Variants in TUSC3 observed in about 807,000 individuals in gnomAD.
TUSC3 encodes the protein tumor suppressor candidate 3.
TUSC3 carries 45 observed loss-of-function variants against 44.8 expected under a neutral mutation model. The observed-to-expected ratio is 1.00, with a 90% confidence interval of 0.79 to 1.29. The LOEUF is 1.29. Ranked by LOEUF, TUSC3 falls within the 50% of genes most tolerant of loss-of-function variation. The pLI is 0.00. For missense variants in TUSC3, 519 were observed against 437.9 expected (o/e 1.19, Z -1.65); for synonymous variants, 212 against 152.9 (o/e 1.39, Z -2.85).
At chr8:15,815,235 G>A in the TUSC3 span, among the ~76,000 whole-genome samples, 1 of 152,074 alleles carries the variant, frequency 6.6e-6, no homozygotes, top group Non-Finnish European at 1.5e-5. Flanking sequence ...AAGATAGATA[G>A]ACTATTAATA....
intron 6 of TUSC3, among the ~76,000 whole-genome samples, chr8:15,704,799 G>T (rs998614790): frequency 3.3e-5 from 5 of 151,890 alleles, no homozygotes; most frequent in African/African-American, 1.2e-4. Flanking sequence ...ACGAGTTTTG[G>T]AATAGGAAGG....
At chr8:15,555,706 T>A (rs947892538) in intron 1 of TUSC3, among the ~76,000 whole-genome samples, 1 of 151,712 alleles carries the variant, frequency 6.6e-6, no homozygotes, top group Non-Finnish European at 1.5e-5. Flanking sequence ...CCCTTTCATG[T>A]TTGTAATATT....
At chr8:15,467,226 G>T (rs1015739253) in intron 1 of TUSC3, among the ~76,000 whole-genome samples, 1 of 150,734 alleles carries the variant, frequency 6.6e-6, no homozygotes, top group Non-Finnish European at 1.5e-5. Context: ...TTCTACTTGG[G>T]GTTCATTATC....
chr8:15,684,942 G>A (rs895733330), intron 6 of TUSC3, among the ~76,000 whole-genome samples: 2 of 152,188 alleles, frequency 1.3e-5, no homozygotes, highest in Admixed American at 1.3e-4. Flanking sequence ...GCAGGCTTAG[G>A]AGGGGCCACG....
At chr8:15,547,513 C>T (rs534137232) in intron 1 of TUSC3, among the ~76,000 whole-genome samples, 2 of 151,456 alleles carry the variant, frequency 1.3e-5, no homozygotes, top group Admixed American at 6.6e-5. Context: ...GATAATAAGG[C>T]TTAAATTATA....
rs1807454319 is a variant in TUSC3 at position 15,662,228 on chromosome 8, T to C, written c.640T>C (p.Leu214=). Residue 214 remains leucine, a synonymous_variant, in exon 5 of 11, where the codon TTG becomes CTG. Coordinates refer to ENST00000503731, the MANE Select transcript of TUSC3 (RefSeq NM_006765.4). The part of the protein sequence containing the change: ...LALLVSLVGG[L]LYLRRNNLEF... Reference sequence around the variant, plus strand: ...CCTGTTAGTGTCGCTTGTTGGAGGTTTGCTTTATTTGAGAAGGAACAACTT... The same window carrying C: ...CCTGTTAGTGTCGCTTGTTGGAGGTCTGCTTTATTTGAGAAGGAACAACTT... The C allele has an allele frequency of 1.9e-6, 3 of 1,613,246 alleles. No individual in the cohort carries two copies. The highest frequency in any genetic ancestry group is 2.5e-6 in the Non-Finnish European group (3 of 1,179,380).
intron 1 of TUSC3, among the ~76,000 whole-genome samples, chr8:15,616,702 T>C (rs1804999661): frequency 6.6e-6 from 1 of 152,234 alleles, no homozygotes; most frequent in Non-Finnish European, 1.5e-5. Context: ...GAGAGAGCGC[T>C]ACAACAGTCC....
At chr8:15,691,132 A>G (rs1213232592) in intron 6 of TUSC3, among the ~76,000 whole-genome samples, 1 of 152,006 alleles carries the variant, frequency 6.6e-6, no homozygotes, top group Admixed American at 6.6e-5. Flanking sequence ...CTTCCTAATC[A>G]TGAACATGAA....
At chr8:15,601,881 A>G (rs1007915106) in intron 1 of TUSC3, among the ~76,000 whole-genome samples, 5 of 149,974 alleles carry the variant, frequency 3.3e-5, no homozygotes, top group Admixed American at 1.3e-4. Flanking sequence ...CATATTATAT[A>G]AGAATATATT....
At chr8:15,614,416 C>G (rs954259757) in intron 1 of TUSC3, among the ~76,000 whole-genome samples, 8 of 152,118 alleles carry the variant, frequency 5.3e-5, no homozygotes, top group African/African-American at 1.9e-4. Context: ...TTTATCTCTT[C>G]AGTAAGATAT....
intron 1 of TUSC3, among the ~76,000 whole-genome samples, chr8:15,558,939 C>T (rs1802362171): frequency 6.6e-6 from 1 of 150,838 alleles, no homozygotes; most frequent in Non-Finnish European, 1.5e-5. Flanking sequence ...CTTGTTGGTC[C>T]TTTCAAAAAA....
chr8:15,675,538 G>T (rs890185202), intron 6 of TUSC3, among the ~76,000 whole-genome samples: 1 of 151,858 alleles, frequency 6.6e-6, no homozygotes, highest in Non-Finnish European at 1.5e-5. Flanking sequence ...ATTGGGGTAT[G>T]AATGATCTTG....
At chr8:15,755,761 T>C (rs352796) in intron 9 of TUSC3, among the ~76,000 whole-genome samples, 16,610 of 152,112 alleles carry the variant, frequency 0.11, 1,960 homozygotes, top group African/African-American at 0.29. Flanking sequence ...GAAGGTGTTA[T>C]GTTCAGAAAG....
At chr8:15,684,606 C>T (rs932723387) in intron 6 of TUSC3, among the ~76,000 whole-genome samples, 1 of 152,134 alleles carries the variant, frequency 6.6e-6, no homozygotes, top group East Asian at 1.9e-4. Flanking sequence ...AGGCTGCGTT[C>T]CTCCCGGACT....
Position 15,623,097 on chromosome 8 carries a change from A to C in TUSC3, c.156A>C (p.Lys52Asn). The C allele has an allele frequency of 1.2e-6, 2 of 1,613,878 alleles. No homozygotes were observed. Among genetic ancestry groups the C allele is most frequent in the Non-Finnish European group, 1.7e-6 (2 of 1,179,876 alleles). ...QKKKENLLAE[K>N]VEQLMEWSSR... Reference sequence around the variant, plus strand: ...AATTGCAGAATCTTTTAGCTGAAAAAGTAGAGCAGCTGATGGAATGGAGTT... The same window carrying C: ...AATTGCAGAATCTTTTAGCTGAAAACGTAGAGCAGCTGATGGAATGGAGTT... Residue 52 changes from lysine (K) to asparagine (N), a missense_variant, in exon 2 of 11, where the codon AAA becomes AAC. Coordinates refer to ENST00000503731, the MANE Select transcript of TUSC3 (RefSeq NM_006765.4).
At chr8:15,607,011 G>A (rs1013960447) in intron 1 of TUSC3, among the ~76,000 whole-genome samples, 2 of 151,824 alleles carry the variant, frequency 1.3e-5, no homozygotes, top group African/African-American at 4.8e-5. Flanking sequence ...GTTAATATTA[G>A]CATTCAACAT....
chr8:15,562,115 G>A (rs1474822564), intron 1 of TUSC3, among the ~76,000 whole-genome samples: 1 of 152,124 alleles, frequency 6.6e-6, no homozygotes, highest in Non-Finnish European at 1.5e-5. Flanking sequence ...CAGGAGTCTA[G>A]CTTCAGAGAT....
Position 15,555,276 on chromosome 8 carries a change from ATTTTTTTTTTTTTTTTTT to A in TUSC3, c.138+14726_138+14743del, listed in dbSNP as rs35757466. On this transcript the variant is annotated intron_variant, in intron 1 of 10. Coordinates refer to ENST00000503731, the MANE Select transcript of TUSC3 (RefSeq NM_006765.4). ...GTTCATGTGCCACCATGCCAGGCTA[ATTTTTTTTTTTTTTTTTT>A]TTTTTTTTTTTTTTTTTAAAGACAT... Among the ~76,000 whole-genome samples the A allele has an allele frequency of 1.1e-3, 49 of 44,894 alleles. 1 individual carries two copies. Among genetic ancestry groups the A allele is most frequent in the East Asian group, 9.5e-3 (11 of 1,154 alleles). The allele number at this position is 44,894 out of a possible 152,430, so 29.5% of individuals were successfully genotyped here.
At chr8:15,738,081 C>T (rs1340451656) in intron 7 of TUSC3, among the ~76,000 whole-genome samples, 1 of 152,088 alleles carries the variant, frequency 6.6e-6, no homozygotes, top group Admixed American at 6.6e-5. Flanking sequence ...CTTAATTACA[C>T]CCATCAGGTT....
Sources: gnomAD v4.1 joint callset for allele counts (sites outside exome capture counted in the v4.1 genomes callset) on GRCh38, gnomAD v4.1.1 for gene constraint, MANE v1.5 for transcripts, NCBI Gene and HGNC (gene_info 2026-07-23, HGNC 2026-07-21) for gene names.